Variants in ZC3H6 observed in about 807,000 individuals in gnomAD.
ZC3H6 encodes the protein zinc finger CCCH-type containing 6, also known as zinc finger CCCH domain-containing protein 6.
In ZC3H6, 40 loss-of-function variants were observed where a neutral mutation model predicts 107.7. The ratio of observed to expected loss-of-function variants is 0.37; its 90% confidence interval spans 0.29 to 0.48. The LOEUF is 0.48. ZC3H6 is among the 20% of genes least tolerant of loss of function. The probability of loss-of-function intolerance (pLI) is 0.98; values close to 1 mark genes in which losing one functional copy is unlikely to be tolerated. For missense variants in ZC3H6, 1,267 were observed against 1,410.4 expected (o/e 0.90, Z 1.63); for synonymous variants, 493 against 487.9 (o/e 1.01, Z -0.14).
chr2:112,303,385 A>T (rs1191090490), intron 3 of ZC3H6, 34 bp downstream of exon 3: 1 of 1,540,492 alleles, frequency 6.5e-7, no homozygotes, highest in Non-Finnish European at 8.9e-7. Context: ...GATAAAACAT[A>T]GATAGCATAA....
chr2:112,316,371 G>A (rs1676695554), intron 5 of ZC3H6, 99 bp from the exon 6 acceptor site: 8 of 722,226 alleles, frequency 1.1e-5, no homozygotes, highest in Admixed American at 5.8e-5. Context: ...ATCACTTTTT[G>A]TAGTCAATTT....
intron 2 of ZC3H6, among the ~76,000 whole-genome samples, chr2:112,301,148 C>T (rs964367121): frequency 4.6e-5 from 7 of 152,116 alleles, no homozygotes; most frequent in African/African-American, 1.4e-4. Flanking sequence ...GTGCCCAGCA[C>T]GGAAACCTCA....
chr2:112,317,895 G>T (rs1024458289), intron 7 of ZC3H6, among the ~76,000 whole-genome samples: 2 of 152,230 alleles, frequency 1.3e-5, no homozygotes, highest in East Asian at 3.9e-4. Context: ...CTGTCAGGTT[G>T]CTCACTACGA....
chr2:112,276,199 CG>C (rs1686417520), intron 1 of ZC3H6, among the ~76,000 whole-genome samples, 173 bp downstream of exon 1: 1 of 146,046 alleles, frequency 6.8e-6, no homozygotes, highest in African/African-American at 2.5e-5. Context: ...CGGGGGAGGT[CG>C]GCCCGGCCGC....
intron 1 of ZC3H6, among the ~76,000 whole-genome samples, chr2:112,285,117 A>G (rs138159236): frequency 1.4e-3 from 206 of 152,238 alleles, no homozygotes; most frequent in African/African-American, 4.6e-3. Context: ...ATTCTTCTTA[A>G]ATTCATTAGC....
At chr2:112,304,935 A>G (rs1218036236) in intron 3 of ZC3H6, among the ~76,000 whole-genome samples, 1 of 152,208 alleles carries the variant, frequency 6.6e-6, no homozygotes, top group Non-Finnish European at 1.5e-5. Flanking sequence ...CATTAAATAA[A>G]TGAGGTTTTA....
At chr2:112,306,028 G>T (rs1200468395) in intron 3 of ZC3H6, among the ~76,000 whole-genome samples, 1 of 152,070 alleles carries the variant, frequency 6.6e-6, no homozygotes, top group East Asian at 1.9e-4. Flanking sequence ...TATCTATTAA[G>T]TATTTTTCAT....
At chr2:112,282,038 C>CAAAT (rs1372810088) in intron 1 of ZC3H6, among the ~76,000 whole-genome samples, 2 of 152,030 alleles carry the variant, frequency 1.3e-5, no homozygotes, top group African/African-American at 4.8e-5. Context: ...TATTTGAAAG[C>CAAAT]ATTTAAGGCT....
In ZC3H6 at chr2:112,339,418, A is replaced by T. The variant is rs2104734312; in HGVS notation, c.*6930A>T. 6.6e-6 allele frequency: 1 copy of T among 152,276 alleles called. No homozygotes were observed. The highest frequency in any genetic ancestry group is 1.9e-4 in the East Asian group (1 of 5,178). The allele number at this position is 152,276 out of a possible 1,614,324, so 9.4% of individuals were successfully genotyped here. A position where few individuals can be genotyped will look rare whatever the true frequency, so the allele number is the denominator to read the frequency against. On this transcript the variant is annotated 3_prime_UTR_variant, in exon 12 of 12. Coordinates refer to ENST00000409871, the MANE Select transcript of ZC3H6 (RefSeq NM_198581.3). Reference sequence around the variant, plus strand: ...CTCATTTGTATACTTGCCAAAGTTTAAAAGTTTTTTACATTCCTTACCCTA... The same window carrying T: ...CTCATTTGTATACTTGCCAAAGTTTTAAAGTTTTTTACATTCCTTACCCTA...
At chr2:112,317,036 A>C (rs746211531) in intron 6 of ZC3H6, among the ~76,000 whole-genome samples, 185 bp from the exon 7 acceptor site, 3 of 152,182 alleles carry the variant, frequency 2.0e-5, no homozygotes, top group African/African-American at 7.2e-5. Context: ...ATGTAGCTAC[A>C]TCCACTGTCT....
Position 112,325,152 on chromosome 2 carries a change from G to C in ZC3H6, c.2041G>C (p.Glu681Gln). ...TACTCAGAGATACCAAGAAGATGAA[G>C]AACAAACCAGCACCCAACCTCATAG... The part of the protein sequence containing the change: ...RLTQRYQEDE[E>Q]QTSTQPHRAP... Residue 681 changes from glutamate to glutamine, a missense_variant, in exon 11 of 12, where the codon GAA (glutamate) becomes CAA (glutamine). Physicochemically the swap from Glu to Gln is conservative, Grantham distance 29. Transcript: ENST00000409871. The C allele has an allele frequency of 6.2e-7, 1 of 1,613,994 alleles. No homozygotes were observed. The highest frequency in any genetic ancestry group is 8.5e-7 in the Non-Finnish European group (1 of 1,179,886).
chr2:112,305,659 T>C (rs1676460543), intron 3 of ZC3H6, among the ~76,000 whole-genome samples: 1 of 152,208 alleles, frequency 6.6e-6, no homozygotes, highest in Non-Finnish European at 1.5e-5. Context: ...ACCATTTTCT[T>C]TTAGCCAGAC....
At chr2:112,330,548 T>C (rs1335688350) in intron 11 of ZC3H6, among the ~76,000 whole-genome samples, 3 of 152,234 alleles carry the variant, frequency 2.0e-5, no homozygotes, top group Non-Finnish European at 4.4e-5. Context: ...AATTCAGAGC[T>C]AGGAAGCTTA....
rs1676335952 is a variant in ZC3H6, at chr2:112,299,927, T to G, written c.111T>G (p.Asn37Lys). 1 of 1,506,616 alleles carries G rather than the reference T, an allele frequency of 6.6e-7. No homozygotes were observed. The allele number at this position is 1,506,616 out of a possible 1,614,324, so 93.3% of individuals were successfully genotyped here. ...EEIQEKEAKE[N>K]EKQKSEKAYR... ...TACAAGAAAAAGAAGCAAAAGAGAA[T>G]GAAAAGCAGAAAAGTGAGAAAGCCT... Residue 37 changes from asparagine (N) to lysine (K), a missense_variant, in exon 2 of 12, where the codon AAT becomes AAG. By Grantham distance (94) the Asn-to-Lys change is moderately conservative (BLOSUM62 0). Transcript: ENST00000409871.
chr2:112,301,993 T>C lies in ZC3H6; in HGVS notation c.214-1236T>C, dbSNP rs1480660174. 3.3e-5 allele frequency among the ~76,000 whole-genome samples: 5 copies of C among 151,898 alleles called. No individual in the cohort carries two copies. In the East Asian group the frequency reaches 9.7e-4, roughly 29 times the overall value. On this transcript the variant is annotated intron_variant, in intron 2 of 11. Transcript: ENST00000409871. Reference sequence around the variant, plus strand: ...ATTAAAAGCAAGATGAAATGGAAAATTTTCTAGAAAAGTACTACCTAACAA... The same window carrying C: ...ATTAAAAGCAAGATGAAATGGAAAACTTTCTAGAAAAGTACTACCTAACAA...
intron 7 of ZC3H6, among the ~76,000 whole-genome samples, chr2:112,318,211 G>A (rs1054687969): frequency 6.6e-6 from 1 of 152,136 alleles, no homozygotes; most frequent in Non-Finnish European, 1.5e-5. Flanking sequence ...AAAATGGAAC[G>A]ATGTAATTAC....
At chr2:112,313,010 C>T (rs1007218901) in intron 5 of ZC3H6, among the ~76,000 whole-genome samples, 1 of 152,060 alleles carries the variant, frequency 6.6e-6, no homozygotes, top group Non-Finnish European at 1.5e-5. Flanking sequence ...TATACTGTTT[C>T]AGGAGATGTT....
chr2:112,327,975 T>C (rs6542052), intron 11 of ZC3H6, among the ~76,000 whole-genome samples: 77,517 of 152,006 alleles, frequency 0.51, 21,956 homozygotes, highest in East Asian at 0.77. Context: ...CCACAACCTC[T>C]GCCTCCTAGG....
At chr2:112,312,893 G>T (rs1331965034) in intron 5 of ZC3H6, among the ~76,000 whole-genome samples, 1 of 150,792 alleles carries the variant, frequency 6.6e-6, no homozygotes, top group Non-Finnish European at 1.5e-5. Context: ...GCAACTTTGT[G>T]TGAGAGCTGA....
Sources: allele counts gnomAD v4.1 joint callset (sites outside exome capture counted in the v4.1 genomes callset), GRCh38; gene constraint gnomAD v4.1.1; transcripts MANE v1.5; gene names NCBI Gene and HGNC (gene_info 2026-07-23, HGNC 2026-07-21).